Variants in NEGR1 observed in about 807,000 individuals in gnomAD.
The protein encoded by NEGR1 is IgLON family member 4.
Under a neutral mutation model 40.9 loss-of-function variants are expected in NEGR1, and 10 were observed. That is an observed-to-expected ratio of 0.24 (90% CI 0.15 to 0.42). The LOEUF (loss-of-function observed/expected upper bound fraction) is 0.42. Ranked by LOEUF, NEGR1 falls within the 10% of genes least tolerant of loss-of-function variation. The pLI is 1.00. For synonymous variants in NEGR1, 185 were observed against 166.8 expected, an observed-to-expected ratio of 1.11 and a Z score of -0.84; for missense variants, 352 against 438.9, an observed-to-expected ratio of 0.80 and a Z score of 1.77.
intron 4 of NEGR1, among the ~76,000 whole-genome samples, chr1:71,670,766 A>G (rs1652395074): frequency 1.3e-5 from 2 of 150,814 alleles, no homozygotes; most frequent in Admixed American, 1.3e-4. Context: ...AATTTCAACA[A>G]CAATTCTGTT....
chr1:72,236,808 T>A (rs1654563293), intron 1 of NEGR1, among the ~76,000 whole-genome samples: 1 of 152,000 alleles, frequency 6.6e-6, no homozygotes, highest in South Asian at 2.1e-4. Flanking sequence ...AAATTTTAGT[T>A]TAGATATATA....
At chr1:72,164,851 T>C (rs1651711786) in intron 1 of NEGR1, among the ~76,000 whole-genome samples, 1 of 152,040 alleles carries the variant, frequency 6.6e-6, no homozygotes, top group African/African-American at 2.4e-5. Flanking sequence ...AAAAATAAGA[T>C]GGGGCAGAGG....
intron 6 of NEGR1, among the ~76,000 whole-genome samples, chr1:71,528,875 C>T (rs1178046936): frequency 6.6e-6 from 1 of 151,104 alleles, no homozygotes; most frequent in Non-Finnish European, 1.5e-5. Flanking sequence ...TCTTAAAACA[C>T]CCATAAATAC....
chr1:72,127,691 G>T lies in NEGR1; in HGVS notation c.176+154628C>A, dbSNP rs1650083985. Among the ~76,000 whole-genome samples the T allele has an allele frequency of 2.0e-5, 3 of 151,982 alleles. No homozygotes were observed. The South Asian group carries it at 6.2e-4, about 31-fold the overall frequency. ...ATAAATAGATCAACAAGTAGTAGTTGACTGTCTTCAGCGCATCTACATCTT... is the reference window on the plus strand; with the variant it reads ...ATAAATAGATCAACAAGTAGTAGTTTACTGTCTTCAGCGCATCTACATCTT... On this transcript the variant is annotated intron_variant, in intron 1 of 6. Transcript: ENST00000357731.
chr1:72,079,917 G>T (rs1647917327), intron 1 of NEGR1, among the ~76,000 whole-genome samples: 1 of 151,944 alleles, frequency 6.6e-6, no homozygotes, highest in Admixed American at 6.6e-5. Flanking sequence ...TCACATTTTA[G>T]ACGGCTTAAC....
intron 1 of NEGR1, among the ~76,000 whole-genome samples, chr1:72,109,209 A>C (rs1228644606): frequency 6.6e-6 from 1 of 151,710 alleles, no homozygotes; most frequent in Admixed American, 6.6e-5. Context: ...TTAAACTTTA[A>C]AACTGTGTTA....
intron 6 of NEGR1, among the ~76,000 whole-genome samples, chr1:71,454,575 T>C (rs1294364400): frequency 1.3e-5 from 2 of 152,178 alleles, no homozygotes; most frequent in Non-Finnish European, 2.9e-5. Flanking sequence ...AAATTTACCT[T>C]CCACTCTTAC....
intron 1 of NEGR1, among the ~76,000 whole-genome samples, chr1:72,036,715 AT>A (rs1220789838): frequency 2.0e-5 from 3 of 151,762 alleles, no homozygotes; most frequent in African/African-American, 7.3e-5. Context: ...ATGTATATTC[AT>A]TTGAAAAACA....
At chr1:72,161,260 G>A (rs923900099) in intron 1 of NEGR1, among the ~76,000 whole-genome samples, 4 of 152,264 alleles carry the variant, frequency 2.6e-5, no homozygotes, top group Non-Finnish European at 2.9e-5. Flanking sequence ...GGACAGGTGC[G>A]AGATGAACCT....
chr1:72,040,577 C>CAAAAAAAAA (rs5775102), intron 1 of NEGR1, among the ~76,000 whole-genome samples: 12 of 29,708 alleles, frequency 4.0e-4, no homozygotes, highest in South Asian at 2.0e-3. Context: ...GAGCACTGAC[C>CAAAAAAAAA]AAAAAAAAAA....
chr1:71,472,317 A>T (rs1646788109), intron 6 of NEGR1, among the ~76,000 whole-genome samples: 1 of 152,152 alleles, frequency 6.6e-6, no homozygotes, highest in South Asian at 2.1e-4. Context: ...AGATATTTAC[A>T]AACTTGAATT....
chr1:72,153,464 A>G (rs1037025473), intron 1 of NEGR1, among the ~76,000 whole-genome samples: 7 of 151,960 alleles, frequency 4.6e-5, no homozygotes, highest in African/African-American at 1.7e-4. Context: ...ATTTGGAGAA[A>G]TATTATTATT....
chr1:71,816,910 A>G (rs1047670770), intron 2 of NEGR1, among the ~76,000 whole-genome samples: 15 of 151,286 alleles, frequency 9.9e-5, no homozygotes, highest in Non-Finnish European at 7.4e-5. Flanking sequence ...CTTTTAATCA[A>G]TACTGTCACT....
At chr1:71,535,724 C>G (rs1444041202) in intron 6 of NEGR1, among the ~76,000 whole-genome samples, 5 of 151,590 alleles carry the variant, frequency 3.3e-5, no homozygotes. Flanking sequence ...TTTGGAAAAG[C>G]TGGTGCTACA....
chr1:72,135,017 G>A (rs892628558), intron 1 of NEGR1, among the ~76,000 whole-genome samples: 2 of 151,042 alleles, frequency 1.3e-5, no homozygotes, highest in South Asian at 2.1e-4. Context: ...GATTACAGGC[G>A]TGAGCCACTG....
rs569253399 is a variant in NEGR1, at chr1:72,068,903, T to C, written c.177-133592A>G. On this transcript the variant is annotated intron_variant, in intron 1 of 6. Transcript: ENST00000357731. ...CAAAACACATGTTTATCATGAATAT[T>C]ATATCATTTAATAGGAAGAAAAAAT... Among the ~76,000 whole-genome samples, 16 of 152,240 alleles carry C rather than the reference T, an allele frequency of 1.1e-4. 1 individual carries two copies. In the East Asian group the frequency reaches 2.9e-3, roughly 28 times the overall value.
Position 71,486,189 on chromosome 1 carries a change from C to T in NEGR1, c.941-78619G>A, listed in dbSNP as rs367900679. Among the ~76,000 whole-genome samples the T allele has an allele frequency of 4.0e-5, 6 of 151,718 alleles. No homozygotes were observed. The South Asian group carries it at 1.2e-3, about 31-fold the overall frequency. On this transcript the variant is annotated intron_variant, in intron 6 of 6. Transcript: ENST00000357731. ...CACTGTTGCTTTAAGTTGAATTTCCCTGATGCCATATGATGTGGAACATCT... is the reference window on the plus strand; with the variant it reads ...CACTGTTGCTTTAAGTTGAATTTCCTTGATGCCATATGATGTGGAACATCT...
chr1:71,460,559 T>C (rs1646707860), intron 6 of NEGR1, among the ~76,000 whole-genome samples: 1 of 152,220 alleles, frequency 6.6e-6, no homozygotes, highest in Non-Finnish European at 1.5e-5. Flanking sequence ...TCTTGTAAGA[T>C]TGTTTTGAAT....
intron 1 of NEGR1, among the ~76,000 whole-genome samples, chr1:72,233,128 C>G (rs1192431380): frequency 6.6e-6 from 1 of 151,968 alleles, no homozygotes; most frequent in Non-Finnish European, 1.5e-5. Flanking sequence ...CTTCTATACC[C>G]AAGGAAATGA....
Sources: gnomAD v4.1 joint callset for allele counts (sites outside exome capture counted in the v4.1 genomes callset) on GRCh38, gnomAD v4.1.1 for gene constraint, MANE v1.5 for transcripts, NCBI Gene and HGNC (gene_info 2026-07-23, HGNC 2026-07-21) for gene names.